Variants in PLCB1 observed in about 807,000 individuals in gnomAD.
The protein encoded by PLCB1 is 1-phosphatidylinositol 4,5-bisphosphate phosphodiesterase beta-1.
PLCB1 carries 46 observed loss-of-function variants against 161.8 expected under a neutral mutation model. That is an observed-to-expected ratio of 0.28 (90% CI 0.22 to 0.36). The LOEUF (loss-of-function observed/expected upper bound fraction) is 0.36, where lower values mean the gene tolerates loss of function less well. PLCB1 is among the 10% of genes least tolerant of loss of function. PLCB1 has a pLI of 1.00. For synonymous variants in PLCB1, 517 were observed against 503.7 expected (o/e 1.03, Z -0.35); for missense variants, 1,016 against 1,472.5 (o/e 0.69, Z 5.07).
At chr20:8,848,836 C>A (rs1293344862) in intron 31 of PLCB1, among the ~76,000 whole-genome samples, 4 of 152,248 alleles carry the variant, frequency 2.6e-5, no homozygotes, top group African/African-American at 9.6e-5. Context: ...CTTAGAAAGA[C>A]AAACTCTGCA....
chr20:8,876,988 C>G (rs1392411328), intron 31 of PLCB1, among the ~76,000 whole-genome samples: 1 of 152,120 alleles, frequency 6.6e-6, no homozygotes, highest in Non-Finnish European at 1.5e-5. Context: ...ACACTCCGTT[C>G]TTTGCTGGGA....
At position 8,884,294 on chromosome 20, in the gene PLCB1, C is replaced by A. The variant is rs941130872; in HGVS notation, c.*2445C>A. On this transcript the variant is annotated 3_prime_UTR_variant, in exon 32 of 32. Coordinates refer to ENST00000338037, the MANE Select transcript of PLCB1 (RefSeq NM_015192.4). Reference sequence around the variant, plus strand: ...ATAGACTAAGATAAAGAAAAGGGGTCTGTATGATGTGCAGTTTTGTGCCTT... The same window carrying A: ...ATAGACTAAGATAAAGAAAAGGGGTATGTATGATGTGCAGTTTTGTGCCTT... The A allele has an allele frequency of 1.2e-4, 18 of 152,548 alleles. 1 individual carries two copies. The highest frequency in any genetic ancestry group is 1.0e-3 in the Admixed American group (16 of 15,274). 9.4% of individuals were successfully genotyped at this position (152,548 alleles called of 1,614,324 possible). A position where few individuals can be genotyped will look rare whatever the true frequency, so the allele number is the denominator to read the frequency against.
chr20:8,701,682 C>G (rs1417409761), intron 11 of PLCB1, among the ~76,000 whole-genome samples: 1 of 152,136 alleles, frequency 6.6e-6, no homozygotes, highest in South Asian at 2.1e-4. Context: ...CTGATCTGTC[C>G]CAAGTTCTCT....
chr20:8,378,585 G>C (rs879583885), intron 3 of PLCB1, among the ~76,000 whole-genome samples: 1 of 152,174 alleles, frequency 6.6e-6, no homozygotes, highest in African/African-American at 2.4e-5. Context: ...GATATCAAAG[G>C]CTGCTGGCCA....
intron 3 of PLCB1, among the ~76,000 whole-genome samples, chr20:8,582,891 A>G (rs2123083584): frequency 6.6e-6 from 1 of 152,050 alleles, no homozygotes; most frequent in Non-Finnish European, 1.5e-5. Context: ...TGGGAAGCAG[A>G]AGCAGGAGGA....
intron 2 of PLCB1, among the ~76,000 whole-genome samples, chr20:8,174,627 C>T (rs917411242): frequency 6.6e-6 from 1 of 152,024 alleles, no homozygotes; most frequent in Non-Finnish European, 1.5e-5. Context: ...TGTTAGCATC[C>T]GATACTCAAG....
chr20:8,165,743 C>T (rs1407082009), intron 2 of PLCB1, among the ~76,000 whole-genome samples: 3 of 152,194 alleles, frequency 2.0e-5, no homozygotes, highest in Admixed American at 6.5e-5. Context: ...CCAGATCTGT[C>T]AGGTCCAAAG....
At chr20:8,651,432 C>T (rs1410177147) in intron 7 of PLCB1, 1 of 725,888 alleles carries the variant, frequency 1.4e-6, no homozygotes, top group Admixed American at 1.9e-5. Flanking sequence ...GCTAATGAGG[C>T]TGCGAAAAGT....
At position 8,455,484 on chromosome 20, in the gene PLCB1, A is replaced by G. The variant is rs376474979; in HGVS notation, c.246+84034A>G. ...GAGACGGAGTCTCGCTCTGTCACCC[A>G]GGCTAGAGTGCAGTCTTGCAATCTC... On this transcript the variant is annotated intron_variant, in intron 3 of 31. Transcript: ENST00000338037. Among the ~76,000 whole-genome samples the G allele has an allele frequency of 2.2e-3, 254 of 115,126 alleles. 1 individual carries two copies. The highest frequency in any genetic ancestry group is 7.9e-3 in the African/African-American group (225 of 28,334). 75.5% of individuals were successfully genotyped at this position (115,126 alleles called of 152,430 possible). A position where few individuals can be genotyped will look rare whatever the true frequency, so the allele number is the denominator to read the frequency against.
At chr20:8,200,246 A>G (rs922768395) in intron 2 of PLCB1, among the ~76,000 whole-genome samples, 1 of 152,018 alleles carries the variant, frequency 6.6e-6, no homozygotes, top group African/African-American at 2.4e-5. Context: ...TTGTTTTTGC[A>G]GCATACTAGA....
intron 2 of PLCB1, among the ~76,000 whole-genome samples, chr20:8,171,200 A>C (rs1052571764): frequency 1.7e-4 from 26 of 152,230 alleles, no homozygotes; most frequent in African/African-American, 6.3e-4. Flanking sequence ...TACTTTCAAC[A>C]ATATCATGTT....
intron 3 of PLCB1, among the ~76,000 whole-genome samples, chr20:8,383,019 G>C (rs1016785242): frequency 2.6e-5 from 4 of 152,174 alleles, no homozygotes; most frequent in Non-Finnish European, 5.9e-5. Context: ...GTTGATTTGG[G>C]TTGGAGAGTT....
At chr20:8,769,824 C>A (rs1982573182) in intron 26 of PLCB1, among the ~76,000 whole-genome samples, 1 of 152,064 alleles carries the variant, frequency 6.6e-6, no homozygotes, top group Non-Finnish European at 1.5e-5. Context: ...TCTTTTGATG[C>A]CAAGTTATAG....
rs117615419 is a variant in PLCB1 at position 8,341,012 on chromosome 20, C to T, written c.178-30370C>T. On this transcript the variant is annotated intron_variant, in intron 2 of 31. Coordinates refer to ENST00000338037, the MANE Select transcript of PLCB1 (RefSeq NM_015192.4). ...CCATGAACCAGTACAGCTCTTCACA[C>T]TCATCCCTTCTGCCTCTTGCTCCAG... 2.0e-5 allele frequency among the ~76,000 whole-genome samples: 3 copies of T among 152,306 alleles called. No individual in the cohort carries two copies. The East Asian group carries it at 5.8e-4, about 29-fold the overall frequency.
At chr20:8,744,310 C>T (rs554253383) in intron 23 of PLCB1, among the ~76,000 whole-genome samples, 8 of 152,260 alleles carry the variant, frequency 5.3e-5, no homozygotes, top group African/African-American at 1.4e-4. Flanking sequence ...AGATTATCAA[C>T]TTTAACCCAT....
chr20:8,527,397 TAAAC>T (rs1254444801), intron 3 of PLCB1, among the ~76,000 whole-genome samples: 1 of 151,922 alleles, frequency 6.6e-6, no homozygotes, highest in African/African-American at 2.4e-5. Flanking sequence ...TGAAAATAAA[TAAAC>T]AGCATGGATT....
intron 2 of PLCB1, among the ~76,000 whole-genome samples, chr20:8,198,377 T>A (rs1428843059): frequency 6.6e-6 from 1 of 152,168 alleles, no homozygotes; most frequent in East Asian, 1.9e-4. Flanking sequence ...GTCCTTCACA[T>A]CCCTTGTAAG....
At chr20:8,643,563 CA>C (rs1207026406) in intron 4 of PLCB1, among the ~76,000 whole-genome samples, 2 of 150,592 alleles carry the variant, frequency 1.3e-5, no homozygotes, top group East Asian at 3.9e-4. Flanking sequence ...AGTCAGGAAG[CA>C]AAAAAAAGAC....
intron 3 of PLCB1, among the ~76,000 whole-genome samples, chr20:8,616,008 C>T (rs1172484641): frequency 2.0e-5 from 3 of 152,196 alleles, no homozygotes; most frequent in East Asian, 3.8e-4. Context: ...CTCTCAGTTA[C>T]GCAGTTCAGA....
Sources: gnomAD v4.1 joint callset for allele counts (sites outside exome capture counted in the v4.1 genomes callset) on GRCh38, gnomAD v4.1.1 for gene constraint, MANE v1.5 for transcripts, NCBI Gene and HGNC (gene_info 2026-07-23, HGNC 2026-07-21) for gene names.